Variants in SPECC1 observed in about 807,000 individuals in gnomAD.
SPECC1 encodes the protein cytospin-B.
In SPECC1, 62 loss-of-function variants were observed where a neutral mutation model predicts 104.1. That is an observed-to-expected ratio of 0.60 (90% CI 0.49 to 0.74). The LOEUF is 0.74. Among genes scored for constraint, SPECC1 ranks in the 30% least tolerant of loss-of-function variants. The pLI is 0.00. For synonymous variants in SPECC1, 513 were observed against 501.6 expected (o/e 1.02, Z -0.30); for missense variants, 1,306 against 1,310.5 (o/e 1.00, Z 0.05).
At chr17:20,269,924 G>T (rs1414704601) in intron 12 of SPECC1, among the ~76,000 whole-genome samples, 3 of 152,144 alleles carry the variant, frequency 2.0e-5, no homozygotes, top group South Asian at 4.1e-4. Context: ...TTTTTATTGA[G>T]CCTTAAAAAG....
At chr17:20,288,515 A>C (rs1292594656) in intron 12 of SPECC1, among the ~76,000 whole-genome samples, 4 of 152,250 alleles carry the variant, frequency 2.6e-5, no homozygotes, top group Non-Finnish European at 4.4e-5. Flanking sequence ...GAGAAATGTA[A>C]AGCAAAATCA....
At position 20,204,892 on chromosome 17, in the gene SPECC1, A is replaced by G; in HGVS notation, c.843A>G (p.Gln281=). 1.2e-6 allele frequency: 2 copies of G among 1,614,070 alleles called. No homozygotes were observed. Among genetic ancestry groups the G allele is most frequent in the African/African-American group, 1.3e-5 (1 of 75,028 alleles). Residue 281 remains glutamine (Q), a synonymous_variant, in exon 4 of 15, where the codon CAA becomes CAG. Coordinates refer to ENST00000395527, the MANE Select transcript of SPECC1 (RefSeq NM_001243439.2). The stretch of plus-strand genomic sequence containing the variant: ...GCAGCTGCCCAACATCCATAACTCA[A>G]GAGTCAAGCTTCGGAAGCCCAACTG... The part of the protein sequence containing the change: ...GDSSCPTSIT[Q]ESSFGSPTGN...
chr17:20,287,377 A>G (rs989670032), intron 12 of SPECC1, among the ~76,000 whole-genome samples: 3 of 138,724 alleles, frequency 2.2e-5, no homozygotes, highest in Non-Finnish European at 4.6e-5. Context: ...AGATTGCGCC[A>G]CTGCAGTCCG....
rs10667828 is a variant in SPECC1, at chr17:20,148,543, G to GAAAA, written c.283+37992_283+37995dup. Among the ~76,000 whole-genome samples the GAAAA allele has an allele frequency of 3.1e-3, 427 of 136,136 alleles. 2 individuals are homozygous for GAAAA. Among genetic ancestry groups the GAAAA allele is most frequent in the African/African-American group, 9.9e-3 (366 of 36,794 alleles). The allele number at this position is 136,136 out of a possible 152,430, so 89.3% of individuals were successfully genotyped here. A position where few individuals can be genotyped will look rare whatever the true frequency, so the allele number is the denominator to read the frequency against. ...AGCAAAAAGCAGTACATGTGCACTA[G>GAAAA]AAAAAAAAAAAAAAGGACAAGCAAT... On this transcript the variant is annotated intron_variant, in intron 3 of 14. Transcript: ENST00000395527.
At chr17:20,263,434 G>T (rs1353863891) in intron 12 of SPECC1, among the ~76,000 whole-genome samples, 2 of 149,952 alleles carry the variant, frequency 1.3e-5, no homozygotes, top group Non-Finnish European at 3.0e-5. Context: ...TGAGTTAATG[G>T]GTGCAGCACA....
intron 3 of SPECC1, among the ~76,000 whole-genome samples, chr17:20,133,366 G>A (rs1437472435): frequency 6.6e-6 from 1 of 151,912 alleles, no homozygotes; most frequent in Non-Finnish European, 1.5e-5. Flanking sequence ...CAGAAGTGTA[G>A]ATTATTTTGT....
At chr17:20,247,390 A>T (rs1598080277) in intron 9 of SPECC1, 71 bp downstream of exon 9, 5 of 1,095,100 alleles carry the variant, frequency 4.6e-6, no homozygotes, top group Non-Finnish European at 6.9e-6. Flanking sequence ...TTCTTTACAC[A>T]TATTAGTGTC....
intron 1 of SPECC1, among the ~76,000 whole-genome samples, chr17:20,022,727 G>A (rs1233044123): frequency 6.6e-6 from 1 of 152,164 alleles, no homozygotes; most frequent in Non-Finnish European, 1.5e-5. Flanking sequence ...TCATTCTCTT[G>A]ACCTCCTGGC....
intron 3 of SPECC1, among the ~76,000 whole-genome samples, chr17:20,179,081 GC>G (rs1339847850): frequency 1.4e-5 from 2 of 143,954 alleles, no homozygotes; most frequent in African/African-American, 5.4e-5. Context: ...TTACTTGCAT[GC>G]CACAGAAGCT....
rs572561639 is a variant in SPECC1 at position 20,246,729 on chromosome 17, C to T, written c.2498-490C>T. Among the ~76,000 whole-genome samples, 4 of 152,332 alleles carry T rather than the reference C, an allele frequency of 2.6e-5. No individual in the cohort carries two copies. The South Asian group carries it at 8.3e-4, about 32-fold the overall frequency. Reference sequence around the variant, plus strand: ...TAGAAGAAACAGAATGTGCATCTGTCTACAGTAACAATATCTTTCTTCCCC... The same window carrying T: ...TAGAAGAAACAGAATGTGCATCTGTTTACAGTAACAATATCTTTCTTCCCC... On this transcript the variant is annotated intron_variant, in intron 8 of 14. Transcript: ENST00000395527.
At chr17:20,202,258 C>A (rs1446565284) in intron 3 of SPECC1, among the ~76,000 whole-genome samples, 1 of 152,128 alleles carries the variant, frequency 6.6e-6, no homozygotes, top group Non-Finnish European at 1.5e-5. Flanking sequence ...TTGGAAGGTA[C>A]TGTGATGCTA....
Position 20,315,040 on chromosome 17 carries a change from T to C in SPECC1, c.*975T>C, listed in dbSNP as rs900726195. On this transcript the variant is annotated 3_prime_UTR_variant, in exon 15 of 15. Transcript: ENST00000395527. ...CTGCGCCTTTGTCCTCCCATTCGTT[T>C]ACCCTCCCGTTCACATCCACACAGG... 4.3e-6 allele frequency: 1 copy of C among 232,270 alleles called. No homozygotes were observed. Among genetic ancestry groups the C allele is most frequent in the African/African-American group, 2.2e-5 (1 of 45,296 alleles). 14.4% of individuals were successfully genotyped at this position (232,270 alleles called of 1,614,324 possible).
In SPECC1 at chr17:20,036,319, G is replaced by A. The variant is rs116046772; in HGVS notation, c.-22+26895G>A. 4.4e-3 allele frequency among the ~76,000 whole-genome samples: 670 copies of A among 151,936 alleles called. 5 individuals carry two copies. The highest frequency in any genetic ancestry group is 0.015 in the African/African-American group (628 of 41,446). On this transcript the variant is annotated intron_variant, in intron 1 of 14. Transcript: ENST00000395527. Reference sequence around the variant, plus strand: ...TAATTTTTGTATTATTAGTGGAGACGGGATTTCACTATGTTGACCATTCTG... The same window carrying A: ...TAATTTTTGTATTATTAGTGGAGACAGGATTTCACTATGTTGACCATTCTG...
intron 1 of SPECC1, among the ~76,000 whole-genome samples, chr17:20,089,980 C>T (rs1055410613): frequency 1.3e-5 from 2 of 152,238 alleles, no homozygotes; most frequent in African/African-American, 2.4e-5. Flanking sequence ...CAGGCTGAGG[C>T]TGGCTGTACA....
chr17:20,119,315 C>T (rs1398008490), intron 3 of SPECC1, among the ~76,000 whole-genome samples: 2 of 152,234 alleles, frequency 1.3e-5, no homozygotes, highest in Non-Finnish European at 2.9e-5. Flanking sequence ...GCTCCACAAC[C>T]TCCGCCTCCT....
intron 1 of SPECC1, chr17:20,010,056 GT>G (rs1362403848): frequency 6.6e-6 from 1 of 152,216 alleles, no homozygotes; most frequent in Non-Finnish European, 1.5e-5. Flanking sequence ...GTGCCCGTGG[GT>G]TTCCCGGTGG....
intron 13 of SPECC1, among the ~76,000 whole-genome samples, chr17:20,305,208 G>A (rs919429455): frequency 6.6e-6 from 1 of 152,024 alleles, no homozygotes; most frequent in African/African-American, 2.4e-5. Flanking sequence ...AGAGAGCGCC[G>A]AGGACTTAAA....
At chr17:20,020,945 C>CTG (rs768843988) in intron 1 of SPECC1, among the ~76,000 whole-genome samples, 14 of 152,308 alleles carry the variant, frequency 9.2e-5, no homozygotes, top group Middle Eastern at 6.8e-3. Flanking sequence ...AACTTAACTA[C>CTG]TGACAGCCTA....
At chr17:20,187,882 A>G (rs980974717) in intron 3 of SPECC1, among the ~76,000 whole-genome samples, 3 of 152,198 alleles carry the variant, frequency 2.0e-5, no homozygotes, top group African/African-American at 4.8e-5. Context: ...TAGAAGACCA[A>G]TGGGGAAACA....
Sources: allele counts gnomAD v4.1 joint callset (sites outside exome capture counted in the v4.1 genomes callset), GRCh38; gene constraint gnomAD v4.1.1; transcripts MANE v1.5; gene names NCBI Gene and HGNC (gene_info 2026-07-23, HGNC 2026-07-21).